COL23A1: variants seen among roughly 807,000 people sequenced by gnomAD.
The protein encoded by COL23A1 is collagen type XXIII alpha 1 chain.
COL23A1 carries 97 observed loss-of-function variants against 99.3 expected under a neutral mutation model. That is an observed-to-expected ratio of 0.98 (90% confidence interval 0.83 to 1.16). The LOEUF (loss-of-function observed/expected upper bound fraction) is 1.16. Among genes scored for constraint, COL23A1 ranks in the 50% most tolerant of loss-of-function variants. COL23A1 has a pLI of 0.00. For synonymous variants in COL23A1, 320 were observed against 308.2 expected, an observed-to-expected ratio of 1.04 and a Z score of -0.40; for missense variants, 762 against 757.4, an observed-to-expected ratio of 1.01 and a Z score of -0.07.
At chr5:178,301,568 T>C (rs1034751467) in intron 3 of COL23A1, among the ~76,000 whole-genome samples, 3 of 152,268 alleles carry the variant, frequency 2.0e-5, no homozygotes, top group African/African-American at 7.2e-5. Flanking sequence ...CCTCTTCTCC[T>C]TTCCAGGATT....
chr5:178,493,310 C>T (rs932375429), intron 2 of COL23A1, among the ~76,000 whole-genome samples: 2 of 152,224 alleles, frequency 1.3e-5, no homozygotes, highest in African/African-American at 4.8e-5. Flanking sequence ...CCCTGCTCCA[C>T]GAGGCACGGA....
intron 2 of COL23A1, among the ~76,000 whole-genome samples, chr5:178,466,878 A>G (rs1359349218): frequency 6.6e-6 from 1 of 152,218 alleles, no homozygotes; most frequent in Non-Finnish European, 1.5e-5. Context: ...CAGAATGGAT[A>G]CTGGAGTTAG....
chr5:178,253,189 C>G (rs1765124147), intron 16 of COL23A1, among the ~76,000 whole-genome samples: 1 of 152,180 alleles, frequency 6.6e-6, no homozygotes, highest in Non-Finnish European at 1.5e-5. Flanking sequence ...CAGCTGGCCC[C>G]CTGCTCAGCC....
intron 3 of COL23A1, among the ~76,000 whole-genome samples, chr5:178,304,602 G>C (rs1341146202): frequency 2.0e-5 from 3 of 151,742 alleles, no homozygotes; most frequent in Non-Finnish European, 4.4e-5. Context: ...ATGAAAGCCA[G>C]GATGTGCATA....
chr5:178,388,324 T>C (rs994625680), intron 2 of COL23A1, among the ~76,000 whole-genome samples: 5 of 152,182 alleles, frequency 3.3e-5, no homozygotes, highest in Admixed American at 2.0e-4. Flanking sequence ...GGGGATGAGT[T>C]GGATTTAATC....
intron 2 of COL23A1, among the ~76,000 whole-genome samples, chr5:178,324,014 C>T (rs1759496292): frequency 6.6e-6 from 1 of 152,092 alleles, no homozygotes; most frequent in African/African-American, 2.4e-5. Context: ...AATGTGACGG[C>T]CTGGGGTCTC....
intron 5 of COL23A1, among the ~76,000 whole-genome samples, chr5:178,285,879 C>T (rs1034342746): frequency 6.6e-6 from 1 of 152,264 alleles, no homozygotes; most frequent in African/African-American, 2.4e-5. Flanking sequence ...CCACTCAGGA[C>T]TGGGCCCCAG....
At chr5:178,301,859 GCT>G (rs1758053428) in intron 3 of COL23A1, among the ~76,000 whole-genome samples, 6 of 139,732 alleles carry the variant, frequency 4.3e-5, no homozygotes, top group Admixed American at 7.2e-5. Flanking sequence ...CAGCTTCAAT[GCT>G]GCACCTCGCA....
chr5:178,347,078 T>TGAG (rs1214052085), intron 2 of COL23A1, among the ~76,000 whole-genome samples: 1 of 152,026 alleles, frequency 6.6e-6, no homozygotes, highest in East Asian at 1.9e-4. Flanking sequence ...TGGCCCTGCT[T>TGAG]GAGGCCGCCT....
intron 12 of COL23A1, 87 bp from the exon 13 acceptor site, chr5:178,257,654 T>C: frequency 8.1e-6 from 11 of 1,363,366 alleles, no homozygotes; most frequent in Admixed American, 2.0e-5. Context: ...AGCACACCAG[T>C]CTGCTCCTGG....
intron 25 of COL23A1, among the ~76,000 whole-genome samples, chr5:178,243,465 TG>T (rs5873596): frequency 0.55 from 79,841 of 144,240 alleles, 22,302 homozygotes; most frequent in Middle Eastern, 0.68. Context: ...CCAGCCTGGG[TG>T]GACAGAGTGA....
intron 3 of COL23A1, among the ~76,000 whole-genome samples, chr5:178,292,723 C>G (rs556634103): frequency 6.6e-6 from 1 of 152,162 alleles, no homozygotes; most frequent in Non-Finnish European, 1.5e-5. Context: ...TCTGACAGCA[C>G]AGCCAAGAGG....
chr5:178,347,394 C>T (rs767086709), intron 2 of COL23A1, among the ~76,000 whole-genome samples: 2 of 151,072 alleles, frequency 1.3e-5, no homozygotes, highest in South Asian at 2.1e-4. Flanking sequence ...AAGAAGTAGA[C>T]ACGGGGATGC....
intron 2 of COL23A1, among the ~76,000 whole-genome samples, chr5:178,396,899 C>T (rs913953612): frequency 3.3e-5 from 5 of 152,236 alleles, no homozygotes; most frequent in African/African-American, 1.2e-4. Flanking sequence ...TTGGCGTGGA[C>T]TTCAAAGAGC....
In COL23A1 at chr5:178,468,647, C is replaced by T. The variant is rs1421706742; in HGVS notation, c.361+92035G>A. 6.6e-6 allele frequency among the ~76,000 whole-genome samples: 1 copy of T among 152,142 alleles called. No individual in the cohort carries two copies. Among genetic ancestry groups the T allele is most frequent in the African/African-American group, 2.4e-5 (1 of 41,428 alleles). On this transcript the variant is annotated intron_variant, in intron 2 of 28. Transcript: ENST00000390654. The surrounding 1 kb of genome is among the most constrained non-coding windows in gnomAD (Gnocchi z 4.2). ...GCAGCCTGGAGGGAAGGGCCGGGTC[C>T]GAGGTCACGGAGCCTGCAGCTCTCC...
chr5:178,385,951 G>A (rs1763647152), intron 2 of COL23A1, among the ~76,000 whole-genome samples: 1 of 152,042 alleles, frequency 6.6e-6, no homozygotes, highest in Non-Finnish European at 1.5e-5. Flanking sequence ...ACATTTCTCG[G>A]GAAATGAAAA....
rs1374791087 is a variant in COL23A1, at chr5:178,280,110, G to A, written c.441+8214C>T. ...GATTCTCTGAATGAACGTCCATCCTGCTGGCTCTCGTGCCCGGCCAGGGAA... is the reference window on the plus strand; with the variant it reads ...GATTCTCTGAATGAACGTCCATCCTACTGGCTCTCGTGCCCGGCCAGGGAA... On this transcript the variant is annotated intron_variant, in intron 5 of 28. Transcript: ENST00000390654. This position sits in a 1 kb window ranked among gnomAD's most constrained non-coding sequence, Gnocchi z 4.9. Among the ~76,000 whole-genome samples, 3 of 152,260 alleles carry A rather than the reference G, an allele frequency of 2.0e-5. No individual in the cohort carries two copies. Among genetic ancestry groups the A allele is most frequent in the Admixed American group, 1.3e-4 (2 of 15,288 alleles).
Position 178,415,895 on chromosome 5 carries a change from G to A in COL23A1, c.362-108976C>T, listed in dbSNP as rs893809561. Among the ~76,000 whole-genome samples, 5 of 152,146 alleles carry A rather than the reference G, an allele frequency of 3.3e-5. No individual in the cohort carries two copies. Among genetic ancestry groups the A allele is most frequent in the Non-Finnish European group, 5.9e-5 (4 of 68,026 alleles). Reference sequence around the variant, plus strand: ...GGGTGAGGCCAGGGAGGGCTTCCGAGGGAGGTGATTCCAGGGCTGGATGGG... The same window carrying A: ...GGGTGAGGCCAGGGAGGGCTTCCGAAGGAGGTGATTCCAGGGCTGGATGGG... On this transcript the variant is annotated intron_variant, in intron 2 of 28. Transcript: ENST00000390654. This position sits in a 1 kb window ranked among gnomAD's most constrained non-coding sequence, Gnocchi z 4.6.
rs867206281 is a variant in COL23A1, at chr5:178,308,962, C to T, written c.362-2043G>A. Among the ~76,000 whole-genome samples the T allele has an allele frequency of 2.6e-5, 4 of 152,272 alleles. No homozygotes were observed. Among genetic ancestry groups the T allele is most frequent in the Admixed American group, 1.3e-4 (2 of 15,308 alleles). ...GGCCCAGTGGCCACCCACAAAGCTT[C>T]GGGGCTCTTGCCAGGCCTCAGGTTG... On this transcript the variant is annotated intron_variant, in intron 2 of 28. Transcript: ENST00000390654. The surrounding 1 kb of genome is among the most constrained non-coding windows in gnomAD (Gnocchi z 5.1).
Sources: allele counts gnomAD v4.1 joint callset (sites outside exome capture counted in the v4.1 genomes callset), GRCh38; gene constraint gnomAD v4.1.1; non-coding constraint Gnocchi (gnomAD v3.1); transcripts MANE v1.5; gene names NCBI Gene and HGNC (gene_info 2026-07-23, HGNC 2026-07-21).